TNRC6C: variants seen among roughly 807,000 people sequenced by gnomAD.
TNRC6C encodes the protein trinucleotide repeat-containing gene 6C protein.
A neutral mutation model predicts 153.7 loss-of-function variants in TNRC6C; 20 were observed. That is an observed-to-expected ratio of 0.13 (90% CI 0.09 to 0.19). The LOEUF (loss-of-function observed/expected upper bound fraction) is 0.19, where lower values mean the gene tolerates loss of function less well. Ranked by LOEUF, TNRC6C falls within the 10% of genes least tolerant of loss-of-function variation. The pLI is 1.00. For missense variants in TNRC6C, 1,987 were observed against 2,172.0 expected (o/e 0.91, Z 1.69); for synonymous variants, 811 against 841.4 (o/e 0.96, Z 0.63).
Position 78,051,350 on chromosome 17 carries a change from C to G in TNRC6C, c.2288C>G (p.Thr763Ser). Residue 763 changes from threonine to serine, a missense_variant, in exon 3 of 20, where the codon ACC (threonine) becomes AGC (serine). Physicochemically the swap from Thr to Ser is moderately conservative, Grantham distance 58. Transcript: ENST00000301624. ...AGTACCACGACCAATACCACCACCA[C>G]CACCACCACTACCACGAGCAACACC... The G allele has an allele frequency of 3.9e-6, 6 of 1,551,554 alleles. No individual in the cohort carries two copies. The highest frequency in any genetic ancestry group is 5.2e-6 in the Non-Finnish European group (6 of 1,146,956).
At chr17:77,978,987 A>G (rs570318900) in intron 1 of TNRC6C, among the ~76,000 whole-genome samples, 1 of 152,344 alleles carries the variant, frequency 6.6e-6, no homozygotes, top group Non-Finnish European at 1.5e-5. Flanking sequence ...AGTTTTGTGC[A>G]TGCAAGATTA....
At chr17:77,961,448 G>C (rs1424349173) in intron 1 of TNRC6C, among the ~76,000 whole-genome samples, 1 of 152,150 alleles carries the variant, frequency 6.6e-6, no homozygotes, top group African/African-American at 2.4e-5. Context: ...GAGCCACCAC[G>C]CTCGGCCGGT....
intron 8 of TNRC6C, among the ~76,000 whole-genome samples, chr17:78,076,374 C>T (rs1475984544): frequency 1.3e-5 from 2 of 152,170 alleles, no homozygotes; most frequent in Non-Finnish European, 2.9e-5. Flanking sequence ...TCATCCTGCC[C>T]CTCGCCAGTG....
intron 5 of TNRC6C, among the ~76,000 whole-genome samples, chr17:78,068,405 T>A: frequency 6.6e-6 from 1 of 152,244 alleles, no homozygotes; most frequent in East Asian, 1.9e-4. Context: ...ACACAACTCA[T>A]GTCAACAGAA....
upstream of TNRC6C, chr17:78,004,258 G>T (rs2071458535): frequency 1.6e-6 from 2 of 1,231,600 alleles, no homozygotes; most frequent in Non-Finnish European, 1.0e-6. Flanking sequence ...GAAGGAAGGT[G>T]CTCAGAAAAA....
chr17:78,088,959 CTTTTTTTTTTTTTTTTTT>C (rs59304499), intron 13 of TNRC6C, among the ~76,000 whole-genome samples: 1 of 86,698 alleles, frequency 1.2e-5, no homozygotes, highest in Non-Finnish European at 2.4e-5. Context: ...CTTATCGTTA[CTTTTTTTTTTTTTTTTTT>C]TTTTTTTTGA....
intron 3 of TNRC6C, among the ~76,000 whole-genome samples, chr17:78,058,237 G>A (rs1598742715): frequency 6.6e-6 from 1 of 152,174 alleles, no homozygotes; most frequent in African/African-American, 2.4e-5. Flanking sequence ...CAGTTAGTGG[G>A]ATGTGGCAGA....
rs1469397861 is a variant in TNRC6C, at chr17:78,068,062, C to T, written c.2778+139C>T. 3.1e-6 allele frequency: 3 copies of T among 967,878 alleles called. No homozygotes were observed. The East Asian group carries it at 8.4e-5, about 27-fold the overall frequency. The allele number at this position is 967,878 out of a possible 1,614,324, so 60.0% of individuals were successfully genotyped here. On this transcript the variant is annotated intron_variant, in intron 5 of 19. Coordinates refer to ENST00000301624, the Ensembl canonical transcript of TNRC6C. Reference sequence around the variant, plus strand: ...TAGGACCCTTGGAGGTCCCAGAGACCCTTTCAGGGGAGTAAGCAAGGTCAC... The same window carrying T: ...TAGGACCCTTGGAGGTCCCAGAGACTCTTTCAGGGGAGTAAGCAAGGTCAC...
At chr17:78,076,102 G>T (rs1017683886) in intron 8 of TNRC6C, among the ~76,000 whole-genome samples, 13 of 151,988 alleles carry the variant, frequency 8.6e-5, no homozygotes, top group Non-Finnish European at 7.4e-5. Flanking sequence ...TGTGAACCCA[G>T]CTACTCGGGA....
rs748143925 is a variant in TNRC6C, at chr17:78,086,980, C to T, written c.3689C>T (p.Ala1230Val). The change falls in exon 13 of 20, where the codon GCA becomes GTA. Residue 1230 changes from alanine to valine, a missense_variant. By Grantham distance (64) the Ala-to-Val change is moderately conservative. Around this residue, in one of 4 missense-constraint regions of TNRC6C, gnomAD observed 765 missense variants for 908.6 expected, o/e 0.84. Coordinates refer to ENST00000301624, the Ensembl canonical transcript of TNRC6C. The stretch of plus-strand genomic sequence containing the variant: ...CCGCACCTGTCTCTGCACCCCTCTG[C>T]AGGCAAATCGGCCATGGACAGCTTC... The T allele has an allele frequency of 6.2e-6, 10 of 1,613,736 alleles. No individual in the cohort carries two copies. Among genetic ancestry groups the T allele is most frequent in the Non-Finnish European group, 8.5e-6 (10 of 1,179,906 alleles).
intron 1 of TNRC6C, among the ~76,000 whole-genome samples, chr17:77,962,407 T>C (rs944915140): frequency 2.6e-5 from 4 of 152,230 alleles, no homozygotes; most frequent in African/African-American, 9.6e-5. Context: ...GAAAATCGTT[T>C]GGCTGTGAAC....
At position 78,049,506 on chromosome 17, in the gene TNRC6C, A is replaced by T. The variant is rs368037271; in HGVS notation, c.444A>T (p.Leu148Phe). The change falls in exon 3 of 20, where the codon TTA becomes TTT. Residue 148 changes from leucine to phenylalanine, a missense_variant. Coordinates refer to ENST00000301624, the Ensembl canonical transcript of TNRC6C. This position sits in a 1 kb window ranked among gnomAD's most constrained non-coding sequence, Gnocchi z 4.1. ...AGAACGGGAACCCAACAGGCACTTTAGGTGCTTGGGGAAACTTGCTGCCAC... is the reference window on the plus strand; with the variant it reads ...AGAACGGGAACCCAACAGGCACTTTTGGTGCTTGGGGAAACTTGCTGCCAC... 6 of 1,614,070 alleles carry T rather than the reference A, an allele frequency of 3.7e-6. No individual in the cohort carries two copies. In the South Asian group the frequency reaches 6.6e-5, roughly 18 times the overall value.
chr17:78,081,721 G>C (rs768517494), intron 10 of TNRC6C, among the ~76,000 whole-genome samples: 9 of 152,120 alleles, frequency 5.9e-5, no homozygotes, highest in Non-Finnish European at 8.8e-5. Flanking sequence ...CCACTGCCCA[G>C]ACCTAGGCCA....
At chr17:78,022,467 A>C (rs745649647) in intron 1 of TNRC6C, among the ~76,000 whole-genome samples, 27 of 152,352 alleles carry the variant, frequency 1.8e-4, no homozygotes, top group Non-Finnish European at 3.5e-4. Flanking sequence ...GAAGAAAAAC[A>C]ACCCTGAATT....
intron 1 of TNRC6C, among the ~76,000 whole-genome samples, chr17:77,960,003 A>T (rs1453084133): frequency 6.6e-6 from 1 of 152,248 alleles, no homozygotes; most frequent in East Asian, 1.9e-4. Flanking sequence ...AGCATGTTAC[A>T]CGGAGCTTTG....
chr17:77,997,780 G>A (rs111890442), intron 1 of TNRC6C, among the ~76,000 whole-genome samples: 8,120 of 151,436 alleles, frequency 0.054, 517 homozygotes, highest in African/African-American at 0.16. Flanking sequence ...TCAGCCTCCC[G>A]AGTAGCTGGG....
intron 3 of TNRC6C, among the ~76,000 whole-genome samples, chr17:78,055,490 C>T (rs913456436): frequency 2.6e-5 from 4 of 152,160 alleles, no homozygotes; most frequent in Admixed American, 6.5e-5. Context: ...GAATGCATTC[C>T]GCTACATTAT....
chr17:77,967,266 C>G (rs1442672343), intron 1 of TNRC6C, among the ~76,000 whole-genome samples: 2 of 152,100 alleles, frequency 1.3e-5, no homozygotes, highest in African/African-American at 4.8e-5. Flanking sequence ...ATGATAATTT[C>G]TTAAGATTTG....
chr17:78,091,672 T>C lies in TNRC6C; in HGVS notation c.3970+65T>C, dbSNP rs959664935. ...GGCTTATTAATCGATCGTCCTGTTG[T>C]ATAGCATGGCCATTCTATACTTTTC... On this transcript the variant is annotated intron_variant, in intron 14 of 19. Coordinates refer to ENST00000301624, the Ensembl canonical transcript of TNRC6C. 4.5e-6 allele frequency: 6 copies of C among 1,337,080 alleles called. No individual in the cohort carries two copies. The African/African-American group carries it at 6.1e-5, about 14-fold the overall frequency. The allele number at this position is 1,337,080 out of a possible 1,614,324, so 82.8% of individuals were successfully genotyped here. A position where few individuals can be genotyped will look rare whatever the true frequency, so the allele number is the denominator to read the frequency against.
Sources: gnomAD v4.1 joint callset for allele counts (sites outside exome capture counted in the v4.1 genomes callset) on GRCh38, gnomAD v4.1.1 for gene constraint, gnomAD v4.1.1 regional missense constraint, Gnocchi (gnomAD v3.1) non-coding constraint, MANE v1.5 for transcripts, NCBI Gene and HGNC (gene_info 2026-07-23, HGNC 2026-07-21) for gene names.